The following PPM1F variants were observed in gnomAD, a reference collection of about 807,000 sequenced individuals.
PPM1F encodes the protein protein phosphatase, Mg2+/Mn2+ dependent 1F, also known as protein phosphatase 1F.
Under a neutral mutation model 35.5 loss-of-function variants are expected in PPM1F, and 17 were observed. The ratio of observed to expected loss-of-function variants is 0.48; its 90% CI spans 0.33 to 0.72. PPM1F has a LOEUF of 0.72. Among genes scored for constraint, PPM1F ranks in the 30% least tolerant of loss-of-function variants. The pLI, the probability that PPM1F is intolerant of heterozygous loss-of-function variation, is 0.02. For synonymous variants in PPM1F, 241 were observed against 255.5 expected, an observed-to-expected ratio of 0.94 and a Z score of 0.54; for missense variants, 521 against 613.0, an observed-to-expected ratio of 0.85 and a Z score of 1.59.
In PPM1F at chr22:21,922,056, GCCTC is replaced by G. The variant is rs2070453555; in HGVS notation, c.*1032_*1035del. 1.3e-5 allele frequency: 2 copies of G among 152,482 alleles called. No individual in the cohort carries two copies. The highest frequency in any genetic ancestry group is 2.4e-5 in the African/African-American group (1 of 41,432). The allele number at this position is 152,482 out of a possible 1,614,324, so 9.4% of individuals were successfully genotyped here. A position where few individuals can be genotyped will look rare whatever the true frequency, so the allele number is the denominator to read the frequency against. The stretch of plus-strand genomic sequence containing the variant: ...TCCAGAAAGATCTCACCAAAATCAT[GCCTC>G]CCTAACAAAACAAATCCTGCTTTTC... On this transcript the variant is annotated 3_prime_UTR_variant, in exon 8 of 8. Coordinates refer to ENST00000263212, the MANE Select transcript of PPM1F (RefSeq NM_014634.4).
Position 21,922,741 on chromosome 22 carries a change from G to A in PPM1F, c.*351C>T, listed in dbSNP as rs1700313929. 4.8e-6 allele frequency: 1 copy of A among 208,542 alleles called. No individual in the cohort carries two copies. The highest frequency in any genetic ancestry group is 9.5e-6 in the Non-Finnish European group (1 of 105,408). The allele number at this position is 208,542 out of a possible 1,614,324, so 12.9% of individuals were successfully genotyped here. On this transcript the variant is annotated 3_prime_UTR_variant, in exon 8 of 8. Coordinates refer to ENST00000263212, the MANE Select transcript of PPM1F (RefSeq NM_014634.4). The stretch of plus-strand genomic sequence containing the variant: ...TCCTGGGTCCGCCCCAGGGTCCCAC[G>A]TGCACAACCATGCTGCCCCATGCAC...
intron 6 of PPM1F, among the ~76,000 whole-genome samples, chr22:21,930,719 GGTGAT>G (rs2070578642): frequency 6.6e-6 from 1 of 152,190 alleles, no homozygotes; most frequent in East Asian, 1.9e-4. Flanking sequence ...CTCATGTCCA[GGTGAT>G]GACCTGAGTG....
At chr22:21,938,904 A>C (rs567977054) in intron 3 of PPM1F, 3 of 154,084 alleles carry the variant, frequency 1.9e-5, no homozygotes, top group Admixed American at 6.4e-5. Flanking sequence ...AGCCCTCTCC[A>C]TTTCTGGGTT....
chr22:21,923,847 GTTT>G (rs56102816), intron 7 of PPM1F, among the ~76,000 whole-genome samples: 4 of 136,422 alleles, frequency 2.9e-5, no homozygotes, highest in African/African-American at 5.4e-5. Flanking sequence ...CCAGCTAATT[GTTT>G]TTTTTTTTTT....
intron 3 of PPM1F, chr22:21,936,745 C>T (rs76806117): frequency 0.016 from 2,482 of 152,374 alleles, 59 homozygotes; most frequent in African/African-American, 0.057. Context: ...TTGAAACCAC[C>T]GTGGAAGCAG....
chr22:21,949,258 T>TA (rs754067618), intron 1 of PPM1F: 3 of 152,248 alleles, frequency 2.0e-5, no homozygotes, highest in Non-Finnish European at 4.4e-5. Context: ...AGGGCCATCT[T>TA]ACTTGCTGGG....
At chr22:21,937,765 C>G (rs571587093) in intron 3 of PPM1F, 1 of 212,162 alleles carries the variant, frequency 4.7e-6, no homozygotes, top group South Asian at 4.8e-5. Flanking sequence ...AGCCGCTTAG[C>G]CTAGACTCTG....
chr22:21,946,987 C>A (rs1480646875), intron 1 of PPM1F: 1 of 152,340 alleles, frequency 6.6e-6, no homozygotes, highest in Non-Finnish European at 1.5e-5. Context: ...AGATGAGAAT[C>A]CCAAGGTTTG....
rs998856233 is a variant in PPM1F at position 21,922,953 on chromosome 22, C to T, written c.*139G>A. 2.9e-5 allele frequency: 34 copies of T among 1,188,132 alleles called. No individual in the cohort carries two copies. Among genetic ancestry groups the T allele is most frequent in the Non-Finnish European group, 3.9e-5 (33 of 845,048 alleles). The allele number at this position is 1,188,132 out of a possible 1,614,324, so 73.6% of individuals were successfully genotyped here. A position where few individuals can be genotyped will look rare whatever the true frequency, so the allele number is the denominator to read the frequency against. ...CCAGGACGGGCTGCGGGGGGTGTCC[C>T]GACTGGCTCTGGGGTGCTGGGGAAA... On this transcript the variant is annotated 3_prime_UTR_variant, in exon 8 of 8. Transcript: ENST00000263212.
At chr22:21,948,452 C>T (rs2070801209) in intron 1 of PPM1F, 1 of 152,238 alleles carries the variant, frequency 6.6e-6, no homozygotes, top group African/African-American at 2.4e-5. Context: ...GCTGGGAGCC[C>T]TAGTAGGTCA....
intron 1 of PPM1F, chr22:21,947,236 T>A (rs2070785963): frequency 6.6e-6 from 1 of 152,626 alleles, no homozygotes; most frequent in Non-Finnish European, 1.5e-5. Flanking sequence ...GCGCCCCCCC[T>A]TCCATGTTCT....
intron 2 of PPM1F, among the ~76,000 whole-genome samples, chr22:21,940,148 G>C (rs532841635): frequency 6.6e-6 from 1 of 152,236 alleles, no homozygotes; most frequent in South Asian, 2.1e-4. Context: ...GAGCAGGCTG[G>C]GCCCCTACTC....
chr22:21,933,590 T>G lies in PPM1F; in HGVS notation c.559-11A>C. 1.2e-6 allele frequency: 2 copies of G among 1,602,838 alleles called. No individual in the cohort carries two copies. Among genetic ancestry groups the G allele is most frequent in the Non-Finnish European group, 1.7e-6 (2 of 1,171,408 alleles). On this transcript the variant is annotated splice_polypyrimidine_tract_variant and intron_variant, in intron 4 of 7. Coordinates refer to ENST00000263212, the MANE Select transcript of PPM1F (RefSeq NM_014634.4). The stretch of plus-strand genomic sequence containing the variant: ...GCGGTTCACAGGGTCCTGGTGGGGA[T>G]GTGGTGGGAGTCACAGACCCGCGGG...
intron 1 of PPM1F, chr22:21,948,184 A>G (rs1480075551): frequency 6.6e-6 from 1 of 152,082 alleles, no homozygotes; most frequent in Non-Finnish European, 1.5e-5. Flanking sequence ...GATAAAGAAC[A>G]TAAAACAACT....
chr22:21,927,937 G>GTTTTTTTTTTTTTTTT (rs1392008034), intron 6 of PPM1F, among the ~76,000 whole-genome samples: 2 of 68,106 alleles, frequency 2.9e-5, no homozygotes, highest in African/African-American at 6.5e-5. Context: ...TCTGTTTTTT[G>GTTTTTTTTTTTTTTTT]TTTTGTTTTT....
chr22:21,931,973 T>A (rs562992622), intron 5 of PPM1F, among the ~76,000 whole-genome samples: 23 of 152,058 alleles, frequency 1.5e-4, no homozygotes, highest in African/African-American at 5.5e-4. Context: ...CCACCATACC[T>A]GGCTAATTTT....
intron 1 of PPM1F, chr22:21,948,934 C>T (rs2070806989): frequency 6.6e-6 from 1 of 152,538 alleles, no homozygotes; most frequent in Non-Finnish European, 1.5e-5. Context: ...TCCTTCTTGC[C>T]TCCTGACCTT....
intron 2 of PPM1F, chr22:21,945,359 T>C (rs2070766334): frequency 6.4e-6 from 1 of 155,788 alleles, no homozygotes; most frequent in Non-Finnish European, 1.4e-5. Flanking sequence ...GAGATCACAC[T>C]GTAGGAGGGC....
chr22:21,924,268 C>CTTTT (rs34519625), intron 7 of PPM1F, among the ~76,000 whole-genome samples: 2 of 137,222 alleles, frequency 1.5e-5, no homozygotes, highest in Non-Finnish European at 3.1e-5. Flanking sequence ...GCTGGACCCA[C>CTTTT]TTTTTTTTTT....
Sources: allele counts gnomAD v4.1 joint callset (sites outside exome capture counted in the v4.1 genomes callset), GRCh38; gene constraint gnomAD v4.1.1; transcripts MANE v1.5; gene names NCBI Gene and HGNC (gene_info 2026-07-23, HGNC 2026-07-21).